MIDEAS: variants seen among roughly 807,000 people sequenced by gnomAD.
The protein encoded by MIDEAS is mitotic deacetylase associated SANT domain protein.
Under a neutral mutation model 102.7 loss-of-function variants are expected in MIDEAS, and 26 were observed. That is an observed-to-expected ratio of 0.25 (90% CI 0.19 to 0.35). MIDEAS has a LOEUF of 0.35. Among genes scored for constraint, MIDEAS ranks in the 10% least tolerant of loss-of-function variants. MIDEAS has a pLI of 1.00. For missense variants in MIDEAS, 1,231 were observed against 1,435.6 expected, an observed-to-expected ratio of 0.86 and a Z score of 2.30; for synonymous variants, 585 against 591.0, an observed-to-expected ratio of 0.99 and a Z score of 0.15.
At chr14:73,747,861 T>C (rs901248628) in intron 1 of MIDEAS, among the ~76,000 whole-genome samples, 2 of 152,054 alleles carry the variant, frequency 1.3e-5, no homozygotes, top group Non-Finnish European at 2.9e-5. Flanking sequence ...CCTGTCAGAG[T>C]GCTATGGCCT....
At chr14:73,719,236 A>AC (rs2140091186) in intron 12 of MIDEAS, 69 bp downstream of exon 12, 7 of 420,190 alleles carry the variant, frequency 1.7e-5, no homozygotes, top group Admixed American at 1.3e-4. Flanking sequence ...CCTCCCCTCC[A>AC]CCCCACCCCC....
chr14:73,766,851 A>AC (rs1555345522), intron 1 of MIDEAS, among the ~76,000 whole-genome samples: 2 of 75,902 alleles, frequency 2.6e-5, no homozygotes, highest in African/African-American at 1.0e-4. Context: ...CTGCCCGGCC[A>AC]TTTTTTTTTT....
rs2052937832 is a variant in MIDEAS at position 73,718,884 on chromosome 14, G to C, written c.3259C>G (p.Gln1087Glu). ...AAAAAAAAHQ[Q>E]ALREESGAGD... is the part of the protein sequence containing the mutation. ...GCACCGCTCTCCTCCCGCAGGGCCTGCTGGTGGGCGGCGGCGGCGGCAGCA... is the reference window on the plus strand; with the variant it reads ...GCACCGCTCTCCTCCCGCAGGGCCTCCTGGTGGGCGGCGGCGGCGGCAGCA... Residue 1087 changes from glutamine to glutamate, a missense_variant, in exon 13 of 13, where the codon CAG becomes GAG. Transcript: ENST00000423556. 6.6e-7 allele frequency: 1 copy of C among 1,517,370 alleles called. No individual in the cohort carries two copies. Among genetic ancestry groups the C allele is most frequent in the African/African-American group, 1.4e-5 (1 of 71,780 alleles). The allele number at this position is 1,517,370 out of a possible 1,614,324, so 94.0% of individuals were successfully genotyped here. A position where few individuals can be genotyped will look rare whatever the true frequency, so the allele number is the denominator to read the frequency against.
rs144314796 is a variant in MIDEAS, at chr14:73,736,952, T to A, written c.1749+46A>T. On this transcript the variant is annotated intron_variant, in intron 3 of 12. Transcript: ENST00000423556. ...TTTCCCCATAGGGTCCTGGGCCCCC[T>A]GAGCACTCACGCGCTGGAGGTGTTT... is the stretch of plus-strand genomic sequence containing the variant. The A allele has an allele frequency of 4.1e-4, 647 of 1,573,498 alleles. 2 individuals carry two copies. In the African/African-American group the frequency reaches 7.7e-3, roughly 19 times the overall value.
intron 1 of MIDEAS, among the ~76,000 whole-genome samples, chr14:73,778,050 C>T (rs1276335942): frequency 6.6e-6 from 1 of 151,812 alleles, no homozygotes; most frequent in Non-Finnish European, 1.5e-5. Flanking sequence ...CCTGACAGAA[C>T]GCACCTTATA....
intron 1 of MIDEAS, among the ~76,000 whole-genome samples, chr14:73,752,671 T>A (rs1180718128): frequency 6.6e-6 from 1 of 152,156 alleles, no homozygotes; most frequent in Non-Finnish European, 1.5e-5. Context: ...CCCATTTGAC[T>A]CCAGAGCCAT....
At chr14:73,750,927 T>C (rs940872839) in intron 1 of MIDEAS, among the ~76,000 whole-genome samples, 2 of 152,212 alleles carry the variant, frequency 1.3e-5, no homozygotes, top group Admixed American at 6.5e-5. Flanking sequence ...CTCCAAAATT[T>C]CCATTGAAGG....
intron 1 of MIDEAS, among the ~76,000 whole-genome samples, chr14:73,781,115 G>C (rs530863046): frequency 6.6e-6 from 1 of 152,268 alleles, no homozygotes; most frequent in South Asian, 2.1e-4. Flanking sequence ...GTTTGTGCCT[G>C]ACTCTTCCAT....
At chr14:73,782,328 C>G (rs2053764619) in intron 1 of MIDEAS, among the ~76,000 whole-genome samples, 1 of 151,908 alleles carries the variant, frequency 6.6e-6, no homozygotes, top group Admixed American at 6.6e-5. Flanking sequence ...ATGCGGCCAA[C>G]CAGGAAGCCT....
chr14:73,774,849 G>A (rs931911357), intron 1 of MIDEAS, among the ~76,000 whole-genome samples: 4 of 152,128 alleles, frequency 2.6e-5, no homozygotes, highest in Admixed American at 1.3e-4. Flanking sequence ...GGGCCTGCCC[G>A]ATGCTCCCTC....
At position 73,739,223 on chromosome 14, in the gene MIDEAS, C is replaced by CTGCTGCTGCTGCTGCTGCTGCTGTGGT. The variant is rs764189924; in HGVS notation, c.759_785dup (p.Pro254_Gln262dup). 2 of 1,415,888 alleles carry CTGCTGCTGCTGCTGCTGCTGCTGTGGT rather than the reference C, an allele frequency of 1.4e-6. No individual in the cohort carries two copies. The highest frequency in any genetic ancestry group is 2.7e-5 in the East Asian group (1 of 37,238). The allele number at this position is 1,415,888 out of a possible 1,614,324, so 87.7% of individuals were successfully genotyped here. On this transcript the variant is annotated inframe_insertion, in exon 2 of 13. Transcript: ENST00000423556. ...AGAGCGGCATCTGGGGTAGGGCTGC[C>CTGCTGCTGCTGCTGCTGCTGCTGTGGT]TGCTGCTGCTGCTGCTGCTGCTGTG...
chr14:73,753,777 G>C (rs1049290584), intron 1 of MIDEAS, among the ~76,000 whole-genome samples: 8 of 152,186 alleles, frequency 5.3e-5, no homozygotes, highest in Non-Finnish European at 8.8e-5. Context: ...ACAGACCCAG[G>C]AGAGAGAGGT....
rs369355450 is a variant in MIDEAS at position 73,739,249 on chromosome 14, G to A, written c.760C>T (p.Pro254Ser). 27 of 1,612,022 alleles carry A rather than the reference G, an allele frequency of 1.7e-5. No individual in the cohort carries two copies. In the African/African-American group the frequency reaches 3.3e-4, roughly 20 times the overall value. The change falls in exon 2 of 13, where the codon CCA becomes TCA. Residue 254 changes from proline (P) to serine (S), a missense_variant. Physicochemically the swap from Pro to Ser is moderately conservative, Grantham distance 74. Coordinates refer to ENST00000423556, the MANE Select transcript of MIDEAS (RefSeq NM_001367710.1). ...PPQKQQQQQQ[P>S]QQQQQQQQAA... is the part of the protein sequence containing the mutation. ...TGCTGCTGCTGCTGCTGCTGCTGTG[G>A]TTGCTGCTGCTGCTGCTGCTTCTGT...
intron 3 of MIDEAS, among the ~76,000 whole-genome samples, chr14:73,731,198 T>C (rs1460769504): frequency 6.6e-6 from 1 of 152,222 alleles, no homozygotes; most frequent in Non-Finnish European, 1.5e-5. Context: ...AGGCAGAGAA[T>C]GGAGCCCTAC....
In MIDEAS at chr14:73,723,319, T is replaced by A. The variant is rs8003516; in HGVS notation, c.2575-472A>T. The A allele has an allele frequency of 6.2e-3, 961 of 154,484 alleles. 15 individuals are homozygous for A. The highest frequency in any genetic ancestry group is 0.021 in the African/African-American group (883 of 41,532). The allele number at this position is 154,484 out of a possible 1,614,324, so 9.6% of individuals were successfully genotyped here. A position where few individuals can be genotyped will look rare whatever the true frequency, so the allele number is the denominator to read the frequency against. On this transcript the variant is annotated intron_variant, in intron 9 of 12. Coordinates refer to ENST00000423556, the MANE Select transcript of MIDEAS (RefSeq NM_001367710.1). ...GCCACCACAACCAGCTAGTTTTTTTTAAATATTTTTAGTAGACATGGGGTT... is the reference window on the plus strand; with the variant it reads ...GCCACCACAACCAGCTAGTTTTTTTAAAATATTTTTAGTAGACATGGGGTT...
Position 73,737,025 on chromosome 14 carries a change from T to A in MIDEAS, c.1722A>T (p.Arg574=). The change falls in exon 3 of 13, where the codon CGA becomes CGT. Residue 574 remains arginine (R), a synonymous_variant. Transcript: ENST00000423556. ...GAGCTTGAGCATCTGTCCCGGGGAT[T>A]CGGGTGGACCGCCTGCGGGTGACGA... ...SVIVTRRRST[R]IPGTDAQAQA... is the part of the protein sequence containing the mutation. 1 of 1,613,558 alleles carries A rather than the reference T, an allele frequency of 6.2e-7. No homozygotes were observed. Among genetic ancestry groups the A allele is most frequent in the African/African-American group, 1.3e-5 (1 of 75,010 alleles).
rs1431346984 is a variant in MIDEAS, at chr14:73,739,168, G to A, written c.841C>T (p.Pro281Ser). 3 of 1,613,966 alleles carry A rather than the reference G, an allele frequency of 1.9e-6. No homozygotes were observed. Among genetic ancestry groups the A allele is most frequent in the Admixed American group, 3.3e-5 (2 of 60,012 alleles). Residue 281 changes from proline to serine, a missense_variant, in exon 2 of 13, where the codon CCC (proline) becomes TCC (serine). Pro to Ser is a moderately conservative substitution (Grantham distance 74). Coordinates refer to ENST00000423556, the MANE Select transcript of MIDEAS (RefSeq NM_001367710.1). The stretch of plus-strand genomic sequence containing the variant: ...CCAAAGTCCTGGGGTTGCTGCGAGG[G>A]TTGCTGCGGCATGGAATAGAAGTTC... The part of the protein sequence containing the change: ...FENFYSMPQQ[P>S]SQQPQDFGLQ...
chr14:73,756,971 G>A (rs2053491330), intron 1 of MIDEAS, among the ~76,000 whole-genome samples: 1 of 152,042 alleles, frequency 6.6e-6, no homozygotes, highest in African/African-American at 2.4e-5. Context: ...TCACTAATTT[G>A]TTCAACTAAC....
At chr14:73,722,413 G>C (rs750533950) in intron 10 of MIDEAS, 13 of 227,616 alleles carry the variant, frequency 5.7e-5, no homozygotes, top group Non-Finnish European at 1.1e-4. Context: ...ACTGAGGTTT[G>C]AGAAACAGTG....
Sources: allele counts gnomAD v4.1 joint callset (sites outside exome capture counted in the v4.1 genomes callset), GRCh38; gene constraint gnomAD v4.1.1; transcripts MANE v1.5; gene names NCBI Gene and HGNC (gene_info 2026-07-23, HGNC 2026-07-21).